The following RIMS2 variants were observed in gnomAD, a reference collection of about 807,000 sequenced individuals.
RIMS2 encodes the protein regulating synaptic membrane exocytosis protein 2.
RIMS2 carries 59 observed loss-of-function variants against 174.4 expected under a neutral mutation model. The ratio of observed to expected loss-of-function variants is 0.34; its 90% CI spans 0.27 to 0.42. The LOEUF (loss-of-function observed/expected upper bound fraction) is 0.42. Among genes scored for constraint, RIMS2 ranks in the 10% least tolerant of loss-of-function variants. The pLI is 1.00. For missense variants in RIMS2, 1,620 were observed against 1,666.3 expected, an observed-to-expected ratio of 0.97 and a Z score of 0.48; for synonymous variants, 606 against 572.5, an observed-to-expected ratio of 1.06 and a Z score of -0.84.
chr8:103,551,360 T>A (rs201932545), intron 1 of RIMS2, among the ~76,000 whole-genome samples: 4 of 152,048 alleles, frequency 2.6e-5, no homozygotes, highest in Non-Finnish European at 5.9e-5. Flanking sequence ...ACATGATTAT[T>A]TCAATAGATG....
chr8:103,540,290 AAAAG>A (rs1841929583), intron 1 of RIMS2, among the ~76,000 whole-genome samples: 1 of 152,118 alleles, frequency 6.6e-6, no homozygotes, highest in Admixed American at 6.5e-5. Flanking sequence ...CGGTGGGAGA[AAAAG>A]AAATTGGGTG....
At chr8:103,608,051 C>T (rs1337877505) in intron 1 of RIMS2, among the ~76,000 whole-genome samples, 1 of 148,770 alleles carries the variant, frequency 6.7e-6, no homozygotes, top group Non-Finnish European at 1.5e-5. Flanking sequence ...TGAGGAACTG[C>T]ATTCCTTTGG....
At chr8:103,948,509 C>T (rs2084397746) in intron 14 of RIMS2, among the ~76,000 whole-genome samples, 2 of 152,146 alleles carry the variant, frequency 1.3e-5, no homozygotes. Context: ...GAAGATACGG[C>T]TACATACTAC....
At chr8:103,767,475 G>A (rs923369250) in intron 3 of RIMS2, among the ~76,000 whole-genome samples, 1 of 152,156 alleles carries the variant, frequency 6.6e-6, no homozygotes, top group East Asian at 1.9e-4. Flanking sequence ...GTGAGCCACC[G>A]TGCCCGGCCT....
intron 3 of RIMS2, among the ~76,000 whole-genome samples, chr8:103,852,708 T>A (rs1378302084): frequency 6.6e-6 from 1 of 152,068 alleles, no homozygotes; most frequent in African/African-American, 2.4e-5. Flanking sequence ...GCCTCCAGCT[T>A]TATTCATGTT....
chr8:103,819,715 G>C (rs2098739945), intron 3 of RIMS2: 8 of 1,007,620 alleles, frequency 7.9e-6, no homozygotes, highest in African/African-American at 1.6e-5. Context: ...TTGTATTGAA[G>C]TGCTAGTGTT....
At chr8:103,837,866 G>T (rs1052377785) in intron 3 of RIMS2, among the ~76,000 whole-genome samples, 2 of 151,650 alleles carry the variant, frequency 1.3e-5, no homozygotes, top group Admixed American at 6.6e-5. Flanking sequence ...TAATCCTTTG[G>T]GTATATACCC....
At chr8:103,584,570 A>C (rs556787640) in intron 1 of RIMS2, among the ~76,000 whole-genome samples, 1 of 152,198 alleles carries the variant, frequency 6.6e-6, no homozygotes, top group Non-Finnish European at 1.5e-5. Context: ...TGAAAAAAGA[A>C]AAATTTAAAA....
chr8:104,154,066 T>G (rs1257218829), intron 19 of RIMS2, among the ~76,000 whole-genome samples: 1 of 152,200 alleles, frequency 6.6e-6, no homozygotes, highest in Non-Finnish European at 1.5e-5. Flanking sequence ...AAGCACTTAT[T>G]ATGTGCTAGT....
At chr8:104,065,050 A>G (rs1367979513) in intron 19 of RIMS2, among the ~76,000 whole-genome samples, 1 of 152,044 alleles carries the variant, frequency 6.6e-6, no homozygotes, top group African/African-American at 2.4e-5. Context: ...TCATTTTTCA[A>G]ACTTTTTATT....
chr8:103,614,040 TGGTGTCTCCATA>T (rs1433084138), intron 1 of RIMS2, among the ~76,000 whole-genome samples: 1 of 152,248 alleles, frequency 6.6e-6, no homozygotes, highest in Non-Finnish European at 1.5e-5. Context: ...CCACCCCGGC[TGGTGTCTCCATA>T]GGTCACATGC....
At chr8:103,594,255 T>C (rs958749628) in intron 1 of RIMS2, among the ~76,000 whole-genome samples, 5 of 151,652 alleles carry the variant, frequency 3.3e-5, no homozygotes, top group African/African-American at 1.2e-4. Flanking sequence ...CACATTTTTT[T>C]TCATTTTTAT....
intron 19 of RIMS2, among the ~76,000 whole-genome samples, chr8:104,179,819 A>G (rs946556774): frequency 6.6e-6 from 1 of 151,822 alleles, no homozygotes; most frequent in African/African-American, 2.4e-5. Context: ...AATAATACAA[A>G]TACCTATAAT....
intron 3 of RIMS2, among the ~76,000 whole-genome samples, chr8:103,874,204 T>C (rs2099125115): frequency 6.6e-6 from 1 of 152,048 alleles, no homozygotes; most frequent in South Asian, 2.1e-4. Flanking sequence ...CATGAAACAA[T>C]AAATCTATGT....
intron 3 of RIMS2, among the ~76,000 whole-genome samples, chr8:103,833,261 A>C (rs1050483312): frequency 1.3e-5 from 2 of 152,028 alleles, no homozygotes; most frequent in African/African-American, 4.8e-5. Flanking sequence ...TTCTGTATTT[A>C]ATTTGTTTTC....
chr8:103,896,510 A>G (rs1003950645), intron 4 of RIMS2, among the ~76,000 whole-genome samples: 1 of 151,664 alleles, frequency 6.6e-6, no homozygotes, highest in South Asian at 2.1e-4. Context: ...AATTGTTGTG[A>G]CCAATTTTTC....
chr8:103,578,000 C>T (rs1326708394), intron 1 of RIMS2, among the ~76,000 whole-genome samples: 1 of 152,054 alleles, frequency 6.6e-6, no homozygotes, highest in African/African-American at 2.4e-5. Context: ...AAGAGCAAAT[C>T]TAAGATTTAT....
intron 2 of RIMS2, among the ~76,000 whole-genome samples, chr8:103,710,443 C>T (rs1295111954): frequency 6.6e-6 from 1 of 152,038 alleles, no homozygotes; most frequent in East Asian, 1.9e-4. Context: ...AATATCGGTT[C>T]TCTTTGTTTC....
intron 19 of RIMS2, among the ~76,000 whole-genome samples, chr8:104,112,478 A>G (rs1261195793): frequency 2.0e-5 from 3 of 151,904 alleles, no homozygotes; most frequent in Non-Finnish European, 2.9e-5. Context: ...ATACATACAT[A>G]CATGATATAT....
Sources: gnomAD v4.1 joint callset for allele counts (sites outside exome capture counted in the v4.1 genomes callset) on GRCh38, gnomAD v4.1.1 for gene constraint, MANE v1.5 for transcripts, NCBI Gene and HGNC (gene_info 2026-07-23, HGNC 2026-07-21) for gene names.